Variants in HSPB7 observed in about 807,000 individuals in gnomAD.
HSPB7 encodes the protein heat shock protein family B (small) member 7.
HSPB7 carries 9 observed loss-of-function variants against 11.0 expected under a neutral mutation model. The ratio of observed to expected loss-of-function variants is 0.82; its 90% confidence interval spans 0.49 to 1.43. HSPB7 has a LOEUF of 1.43. Among genes scored for constraint, HSPB7 ranks in the 40% most tolerant of loss-of-function variants. The probability of loss-of-function intolerance (pLI) is 0.00; values close to 1 mark genes in which losing one functional copy is unlikely to be tolerated. For missense variants in HSPB7, 246 were observed against 243.9 expected (o/e 1.01, Z -0.06); for synonymous variants, 102 against 101.6 (o/e 1.00, Z -0.02).
intron 2 of HSPB7, among the ~76,000 whole-genome samples, chr1:16,016,463 G>C (rs945210182): frequency 3.3e-5 from 5 of 152,320 alleles, no homozygotes; most frequent in African/African-American, 1.2e-4. Context: ...CTAGAAGTTC[G>C]GACTCAGACA....
At chr1:16,019,241 G>A (rs3754325), upstream of HSPB7, 46 of 1,547,688 alleles carry the variant, frequency 3.0e-5, 1 homozygote, top group East Asian at 8.3e-4. Flanking sequence ...CGTCCCTTCC[G>A]TCCCAGATCA....
At position 16,017,993 on chromosome 1, in the gene HSPB7, G is replaced by A. The variant is rs989002739; in HGVS notation, c.-30C>T. On this transcript the variant is annotated 5_prime_UTR_variant, in exon 1 of 3. Coordinates refer to ENST00000311890, the MANE Select transcript of HSPB7 (RefSeq NM_014424.5). ...GGACGGCGCCGGGCCCTGCCCAGGC[G>A]GGCGAGGGCTGGACAGGAGAGGGTG... is the stretch of plus-strand genomic sequence containing the variant. 8 of 1,612,348 alleles carry A rather than the reference G, an allele frequency of 5.0e-6. No homozygotes were observed. Among genetic ancestry groups the A allele is most frequent in the African/African-American group, 2.7e-5 (2 of 74,932 alleles).
chr1:16,018,539 C>G (rs371938385), upstream of HSPB7: 4 of 1,078,072 alleles, frequency 3.7e-6, no homozygotes, highest in East Asian at 2.9e-4. Context: ...CAGCCCATCT[C>G]TAAGGAAAGG....
rs1395961588 is a variant in HSPB7, at chr1:16,017,950, G to T, written c.14C>A (p.Thr5Asn). 1 of 1,613,284 alleles carries T rather than the reference G, an allele frequency of 6.2e-7. No homozygotes were observed. The highest frequency in any genetic ancestry group is 8.5e-7 in the Non-Finnish European group (1 of 1,179,864). MSHR[T>N]SSTFRAERSF... ...TCTCTCCGCTCGGAAGGTGGAAGAGGTTCTGTGGCTCATCCACGGACGGCG... is the reference window on the plus strand; with the variant it reads ...TCTCTCCGCTCGGAAGGTGGAAGAGTTTCTGTGGCTCATCCACGGACGGCG... Residue 5 changes from threonine (T) to asparagine (N), a missense_variant, in exon 1 of 3, where the codon ACC (threonine) becomes AAC (asparagine). Transcript: ENST00000311890.
In HSPB7 at chr1:16,018,021, G is replaced by A. The variant is rs1282582249; in HGVS notation, c.-58C>T. ...CGAGGGCTGGACAGGAGAGGGTGTG[G>A]GCGCAGGCCTCTGGGCGAGCGTGCC... On this transcript the variant is annotated 5_prime_UTR_variant, in exon 1 of 3. Transcript: ENST00000311890. The A allele has an allele frequency of 1.2e-6, 2 of 1,611,212 alleles. No individual in the cohort carries two copies. The highest frequency in any genetic ancestry group is 2.2e-5 in the East Asian group (1 of 44,840).
rs2148845441 is a variant in HSPB7 at position 16,017,956 on chromosome 1, T to C, written c.8A>G (p.His3Arg). The change falls in exon 1 of 3, where the codon CAC becomes CGC. Residue 3 changes from histidine (H) to arginine (R), a missense_variant. His to Arg is a conservative substitution (Grantham distance 29, BLOSUM62 0). Transcript: ENST00000311890. MS[H>R]RTSSTFRAER... ...CGCTCGGAAGGTGGAAGAGGTTCTG[T>C]GGCTCATCCACGGACGGCGCCGGGC... 6.2e-7 allele frequency: 1 copy of C among 1,613,304 alleles called. No homozygotes were observed. Among genetic ancestry groups the C allele is most frequent in the Non-Finnish European group, 8.5e-7 (1 of 1,179,826 alleles).
chr1:16,015,615 C>T lies in HSPB7; in HGVS notation c.478G>A (p.Val160Ile), dbSNP rs144366876. ...ATCTCCGTCCGGAAGGTCTGCTGGA[C>T]GTGTTCTGTATGCGGGTGACGCCGT... ...RARRHPHTEH[V>I]QQTFRTEIKI Residue 160 changes from valine (V) to isoleucine (I), a missense_variant, in exon 3 of 3, where the codon GTC becomes ATC. By Grantham distance (29) the Val-to-Ile change is conservative. Coordinates refer to ENST00000311890, the MANE Select transcript of HSPB7 (RefSeq NM_014424.5). The surrounding 1 kb of genome is among the most constrained non-coding windows in gnomAD (Gnocchi z 4.9). 7.4e-6 allele frequency: 12 copies of T among 1,613,944 alleles called. No homozygotes were observed. Among genetic ancestry groups the T allele is most frequent in the Middle Eastern group, 1.6e-4 (1 of 6,082 alleles).
At chr1:16,019,498 T>C (rs2021984498), upstream of HSPB7, 1 of 1,515,024 alleles carries the variant, frequency 6.6e-7, no homozygotes, top group Non-Finnish European at 8.9e-7. Flanking sequence ...AGACGGGCAG[T>C]TTCTCTTTTG....
At chr1:16,019,588 G>A (rs2021987147), upstream of HSPB7, 7 of 1,118,726 alleles carry the variant, frequency 6.3e-6, no homozygotes, top group Non-Finnish European at 8.7e-6. Flanking sequence ...CTGGTGGTAT[G>A]TGGAGTGGAA....
chr1:16,018,004 G>A lies in HSPB7; in HGVS notation c.-41C>T. On this transcript the variant is annotated 5_prime_UTR_variant, in exon 1 of 3. Coordinates refer to ENST00000311890, the MANE Select transcript of HSPB7 (RefSeq NM_014424.5). ...GGCCCTGCCCAGGCGGGCGAGGGCT[G>A]GACAGGAGAGGGTGTGGGCGCAGGC... 6.2e-7 allele frequency: 1 copy of A among 1,612,046 alleles called. No homozygotes were observed. Among genetic ancestry groups the A allele is most frequent in the Non-Finnish European group, 8.5e-7 (1 of 1,179,400 alleles).
intron 1 of HSPB7, 28 bp downstream of exon 1, chr1:16,017,737 C>G (rs765820031): frequency 6.5e-7 from 1 of 1,533,302 alleles, no homozygotes; most frequent in Admixed American, 2.1e-5. Flanking sequence ...TGTGCACCTC[C>G]CCTCCCCTCA....
rs779217024 is a variant in HSPB7 at position 16,015,751 on chromosome 1, AGCC to A, written c.339_341del (p.Ala114del). On this transcript the variant is annotated inframe_deletion, in exon 3 of 3. Transcript: ENST00000311890. This position sits in a 1 kb window ranked among gnomAD's most constrained non-coding sequence, Gnocchi z 4.9. Reference sequence around the variant, plus strand: ...CGAAGGTGTTCATGACAGTGCCGTCAGCCGCCAGCTGGGGAAGGGGTGACCCGT... The same window carrying A: ...CGAAGGTGTTCATGACAGTGCCGTCAGCCAGCTGGGGAAGGGGTGACCCGT... 6.3e-7 allele frequency: 1 copy of A among 1,580,946 alleles called. No individual in the cohort carries two copies. The highest frequency in any genetic ancestry group is 8.6e-7 in the Non-Finnish European group (1 of 1,160,204).
At position 16,015,663 on chromosome 1, in the gene HSPB7, C is replaced by G. The variant is rs879299614; in HGVS notation, c.430G>C (p.Asp144His). 7.4e-6 allele frequency: 12 copies of G among 1,613,634 alleles called. No homozygotes were observed. Among genetic ancestry groups the G allele is most frequent in the Non-Finnish European group, 1.0e-5 (12 of 1,179,896 alleles). The change falls in exon 3 of 3, where the codon GAC becomes CAC. Residue 144 changes from aspartate (D) to histidine (H), a missense_variant. By Grantham distance (81) the Asp-to-His change is moderately conservative (BLOSUM62 -1). Transcript: ENST00000311890. The surrounding 1 kb of genome is among the most constrained non-coding windows in gnomAD (Gnocchi z 4.9). ...CGTGCCCGGATAGTGAGGCTGCCGT[C>G]CTCCCGCAGAGCCGAGGTCACCGAC... Reference protein sequence around the residue: ...PTSVTSALREDGSLTIRARRH... With the variant: ...PTSVTSALREHGSLTIRARRH...
At chr1:16,017,703 G>T (rs1019054450) in intron 1 of HSPB7, 62 bp downstream of exon 1, 6 of 1,401,514 alleles carry the variant, frequency 4.3e-6, no homozygotes, top group Non-Finnish European at 4.8e-6. Flanking sequence ...CTTCGGTGGC[G>T]CCCTGGAGCA....
rs569657855 is a variant in HSPB7 at position 16,015,262 on chromosome 1, C to T, written c.*318G>A. On this transcript the variant is annotated 3_prime_UTR_variant, in exon 3 of 3. Transcript: ENST00000311890. The surrounding 1 kb of genome is among the most constrained non-coding windows in gnomAD (Gnocchi z 4.9). ...GTCTGTCTGTCCTGCAGAGCTTGCC[C>T]ATATGTCCTGCTGGTCCCATTCCCC... The T allele has an allele frequency of 1.2e-5, 4 of 327,902 alleles. No individual in the cohort carries two copies. Among genetic ancestry groups the T allele is most frequent in the African/African-American group, 8.8e-5 (4 of 45,586 alleles). The allele number at this position is 327,902 out of a possible 1,614,324, so 20.3% of individuals were successfully genotyped here.
In HSPB7 at chr1:16,015,923, C is replaced by G. The variant is rs561208093; in HGVS notation, c.334-164G>C. ...GCCCAGGGTGGTGATGGCCACAGGC[C>G]AAAGGCTCTGCAGGGACAGCGCAGG... On this transcript the variant is annotated intron_variant, in intron 2 of 2. Coordinates refer to ENST00000311890, the MANE Select transcript of HSPB7 (RefSeq NM_014424.5). The surrounding 1 kb of genome is among the most constrained non-coding windows in gnomAD (Gnocchi z 4.9). 2.0e-5 allele frequency among the ~76,000 whole-genome samples: 3 copies of G among 152,224 alleles called. No individual in the cohort carries two copies. Among genetic ancestry groups the G allele is most frequent in the African/African-American group, 2.4e-5 (1 of 41,464 alleles).
intron 2 of HSPB7, among the ~76,000 whole-genome samples, chr1:16,016,286 C>T (rs2021722283): frequency 6.6e-6 from 1 of 152,180 alleles, no homozygotes; most frequent in African/African-American, 2.4e-5. Context: ...GCAGGGACGC[C>T]CAGAAATCCA....
At chr1:16,016,656 C>CT (rs148284569) in intron 2 of HSPB7, among the ~76,000 whole-genome samples, 3,248 of 152,164 alleles carry the variant, frequency 0.021, 59 homozygotes, top group Non-Finnish European at 0.028. Context: ...GGAGAAACCC[C>CT]TCCCCCCACT....
At position 16,017,997 on chromosome 1, in the gene HSPB7, G is replaced by A. The variant is rs376716778; in HGVS notation, c.-34C>T. 165 of 1,612,400 alleles carry A rather than the reference G, an allele frequency of 1.0e-4. No individual in the cohort carries two copies. The highest frequency in any genetic ancestry group is 9.9e-4 in the African/African-American group (74 of 75,066). The stretch of plus-strand genomic sequence containing the variant: ...GGCGCCGGGCCCTGCCCAGGCGGGC[G>A]AGGGCTGGACAGGAGAGGGTGTGGG... On this transcript the variant is annotated 5_prime_UTR_variant, in exon 1 of 3. Transcript: ENST00000311890.
Sources: gnomAD v4.1 joint callset for allele counts (sites outside exome capture counted in the v4.1 genomes callset) on GRCh38, gnomAD v4.1.1 for gene constraint, Gnocchi (gnomAD v3.1) non-coding constraint, MANE v1.5 for transcripts, NCBI Gene and HGNC (gene_info 2026-07-23, HGNC 2026-07-21) for gene names.